Variants in FOXO3 observed in about 807,000 individuals in gnomAD.
The protein encoded by FOXO3 is forkhead box protein O3.
A neutral mutation model predicts 41.9 loss-of-function variants in FOXO3; 4 were observed. That is an observed-to-expected ratio of 0.10 (90% CI 0.05 to 0.22). The LOEUF (loss-of-function observed/expected upper bound fraction) is 0.22. Among genes scored for constraint, FOXO3 ranks in the 10% least tolerant of loss-of-function variants. The pLI, the probability that FOXO3 is intolerant of heterozygous loss-of-function variation, is 1.00. For synonymous variants in FOXO3, 318 were observed against 389.3 expected, an observed-to-expected ratio of 0.82 and a Z score of 2.16; for missense variants, 534 against 906.8, an observed-to-expected ratio of 0.59 and a Z score of 5.28.
chr6:108,621,648 T>C (rs994285741), intron 1 of FOXO3, among the ~76,000 whole-genome samples: 7 of 152,186 alleles, frequency 4.6e-5, no homozygotes, highest in African/African-American at 1.7e-4. Flanking sequence ...CCACAGCAGA[T>C]GTGTCCAGCT....
At chr6:108,575,073 G>T (rs1244564705) in intron 1 of FOXO3, among the ~76,000 whole-genome samples, 1 of 152,174 alleles carries the variant, frequency 6.6e-6, no homozygotes, top group Non-Finnish European at 1.5e-5. Flanking sequence ...CAAGCCTGAA[G>T]TGTAAGGAGG....
intron 1 of FOXO3, among the ~76,000 whole-genome samples, chr6:108,655,254 A>G (rs1778652242): frequency 6.6e-6 from 1 of 152,202 alleles, no homozygotes; most frequent in African/African-American, 2.4e-5. Context: ...GATTTTCAAA[A>G]GAAAAGCAGA....
intron 1 of FOXO3, among the ~76,000 whole-genome samples, chr6:108,627,748 C>A (rs766408318): frequency 6.6e-6 from 1 of 151,944 alleles, no homozygotes; most frequent in Non-Finnish European, 1.5e-5. Flanking sequence ...CTTTAAGAAA[C>A]TTTACAAATT....
chr6:108,598,329 A>G (rs1776946189), intron 1 of FOXO3, among the ~76,000 whole-genome samples: 1 of 152,166 alleles, frequency 6.6e-6, no homozygotes, highest in African/African-American at 2.4e-5. Context: ...GGAGGAATGG[A>G]TTAGCTGAAT....
In FOXO3 at chr6:108,676,806, A is replaced by G. The variant is rs577621426; in HGVS notation, c.*35-3021A>G. Among the ~76,000 whole-genome samples the G allele has an allele frequency of 1.3e-4, 20 of 152,332 alleles. 1 individual carries two copies. The South Asian group carries it at 3.1e-3, about 24-fold the overall frequency. ...TAAGCATGTACAAACATTGAGCCAC[A>G]GGAGAGCCATTAAAAATCTAAGACA... is the stretch of plus-strand genomic sequence containing the variant. On this transcript the variant is annotated intron_variant, in intron 2 of 2. Transcript: ENST00000406360.
intron 1 of FOXO3, among the ~76,000 whole-genome samples, chr6:108,606,597 T>C (rs969676307): frequency 6.6e-6 from 1 of 152,034 alleles, no homozygotes; most frequent in Non-Finnish European, 1.5e-5. Flanking sequence ...ACTTTCTTCT[T>C]CTCTTCCCAG....
chr6:108,589,667 G>C (rs1284570370), intron 1 of FOXO3, among the ~76,000 whole-genome samples: 2 of 152,202 alleles, frequency 1.3e-5, no homozygotes, highest in African/African-American at 4.8e-5. Flanking sequence ...GGAGGAGTTA[G>C]GCAGGGGTGA....
chr6:108,612,018 T>C (rs550345696), intron 1 of FOXO3, among the ~76,000 whole-genome samples: 7 of 152,340 alleles, frequency 4.6e-5, no homozygotes, highest in African/African-American at 1.7e-4. Context: ...ATACTAATAC[T>C]ACATTGGTCT....
intron 1 of FOXO3, among the ~76,000 whole-genome samples, chr6:108,657,040 G>A (rs1778707638): frequency 6.6e-6 from 1 of 152,160 alleles, no homozygotes; most frequent in South Asian, 2.1e-4. Context: ...CCTGCCTCCT[G>A]GAAGGGTTAT....
At chr6:108,589,616 CA>C (rs903772474) in intron 1 of FOXO3, among the ~76,000 whole-genome samples, 6 of 152,208 alleles carry the variant, frequency 3.9e-5, no homozygotes, top group Non-Finnish European at 4.4e-5. Flanking sequence ...CAGCCTAGCC[CA>C]GGGGTGGAAC....
intron 1 of FOXO3, among the ~76,000 whole-genome samples, chr6:108,576,880 T>A (rs1362878367): frequency 3.3e-5 from 5 of 152,012 alleles, no homozygotes; most frequent in South Asian, 2.1e-4. Flanking sequence ...CTTTCAAAAA[T>A]TTTTTTTTCA....
intron 1 of FOXO3, among the ~76,000 whole-genome samples, chr6:108,650,566 A>G (rs754266660): frequency 6.6e-6 from 1 of 152,174 alleles, no homozygotes; most frequent in Non-Finnish European, 1.5e-5. Context: ...ATGTACATGA[A>G]GTAGATTAGA....
At position 108,683,390 on chromosome 6, in the gene FOXO3, C is replaced by G. The variant is rs1396177493; in HGVS notation, c.*3598C>G. 6.6e-6 allele frequency: 1 copy of G among 152,100 alleles called. No individual in the cohort carries two copies. The highest frequency in any genetic ancestry group is 1.5e-5 in the Non-Finnish European group (1 of 68,032). The allele number at this position is 152,100 out of a possible 1,614,324, so 9.4% of individuals were successfully genotyped here. ...TGAACCCCACTTAAAGAATAAGGAGCATTTGAATCTCTTGGAAAAGGCCAT... is the reference window on the plus strand; with the variant it reads ...TGAACCCCACTTAAAGAATAAGGAGGATTTGAATCTCTTGGAAAAGGCCAT... On this transcript the variant is annotated 3_prime_UTR_variant, in exon 3 of 3. Coordinates refer to ENST00000406360, the MANE Select transcript of FOXO3 (RefSeq NM_001455.4).
chr6:108,608,624 T>G (rs1223891916), intron 1 of FOXO3, among the ~76,000 whole-genome samples: 1 of 152,218 alleles, frequency 6.6e-6, no homozygotes, highest in Non-Finnish European at 1.5e-5. Context: ...CTCTATGGTT[T>G]CTGAACAGAG....
At chr6:108,607,382 G>A (rs946564397) in intron 1 of FOXO3, among the ~76,000 whole-genome samples, 3 of 151,262 alleles carry the variant, frequency 2.0e-5, no homozygotes, top group South Asian at 2.1e-4. Context: ...CCTGGGAGGC[G>A]GAGGTTGCAG....
Position 108,617,952 on chromosome 6 carries a change from C to T in FOXO3, c.622-45503C>T, listed in dbSNP as rs140670305. ...GCAGTTTTCTACTTGAGAAGGTAAT[C>T]GTGGTCTGCGAGAACAGAGTTCTGG... On this transcript the variant is annotated intron_variant, in intron 1 of 2. Coordinates refer to ENST00000406360, the MANE Select transcript of FOXO3 (RefSeq NM_001455.4). 378 of 490,164 alleles carry T rather than the reference C, an allele frequency of 7.7e-4. 1 individual carries two copies. Among genetic ancestry groups the T allele is most frequent in the African/African-American group, 6.8e-3 (346 of 51,120 alleles). The allele number at this position is 490,164 out of a possible 1,614,324, so 30.4% of individuals were successfully genotyped here.
intron 1 of FOXO3, among the ~76,000 whole-genome samples, chr6:108,652,981 A>C (rs973677911): frequency 6.6e-6 from 1 of 152,170 alleles, no homozygotes; most frequent in South Asian, 2.1e-4. Flanking sequence ...CACACACCCT[A>C]TCAGTTTGCC....
In FOXO3 at chr6:108,680,139, A is replaced by G. The variant is rs1285037284; in HGVS notation, c.*347A>G. The G allele has an allele frequency of 6.6e-6, 1 of 152,532 alleles. No individual in the cohort carries two copies. Among genetic ancestry groups the G allele is most frequent in the South Asian group, 2.1e-4 (1 of 4,820 alleles). 9.4% of individuals were successfully genotyped at this position (152,532 alleles called of 1,614,324 possible). ...CCGTCGGCCATTCTGTGGTGTTTTAATATTGCGATGGTTTATGGGACGTTT... is the reference window on the plus strand; with the variant it reads ...CCGTCGGCCATTCTGTGGTGTTTTAGTATTGCGATGGTTTATGGGACGTTT... On this transcript the variant is annotated 3_prime_UTR_variant, in exon 3 of 3. Coordinates refer to ENST00000406360, the MANE Select transcript of FOXO3 (RefSeq NM_001455.4).
chr6:108,578,253 C>T (rs1208231480), intron 1 of FOXO3, among the ~76,000 whole-genome samples: 5 of 152,156 alleles, frequency 3.3e-5, no homozygotes, highest in Non-Finnish European at 7.4e-5. Flanking sequence ...CTTTAACAAG[C>T]CCTCCAGGTG....
Sources: allele counts gnomAD v4.1 joint callset (sites outside exome capture counted in the v4.1 genomes callset), GRCh38; gene constraint gnomAD v4.1.1; transcripts MANE v1.5; gene names NCBI Gene and HGNC (gene_info 2026-07-23, HGNC 2026-07-21).